Variants in TRAF3 observed in about 807,000 individuals in gnomAD.
TRAF3 encodes the protein TNF receptor associated factor 3.
A neutral mutation model predicts 62.3 loss-of-function variants in TRAF3; 13 were observed. The ratio of observed to expected loss-of-function variants is 0.21; its 90% confidence interval spans 0.14 to 0.33. The LOEUF (loss-of-function observed/expected upper bound fraction) is 0.33, where lower values mean the gene tolerates loss of function less well. Ranked by LOEUF, TRAF3 falls within the 10% of genes least tolerant of loss-of-function variation. TRAF3 has a pLI of 1.00. For synonymous variants in TRAF3, 269 were observed against 283.4 expected (o/e 0.95, Z 0.51); for missense variants, 440 against 741.8 (o/e 0.59, Z 4.73).
intron 2 of TRAF3, among the ~76,000 whole-genome samples, chr14:102,846,103 G>A (rs10140174): frequency 0.029 from 4,474 of 151,728 alleles, 228 homozygotes; most frequent in African/African-American, 0.1. Context: ...ATACCCTTCT[G>A]ATGGGAGTGC....
intron 6 of TRAF3, among the ~76,000 whole-genome samples, chr14:102,885,915 G>A (rs1889353419): frequency 6.6e-6 from 1 of 152,162 alleles, no homozygotes; most frequent in African/African-American, 2.4e-5. Context: ...GTGCTAAGGG[G>A]AAACCCTTGT....
Position 102,826,909 on chromosome 14 carries a change from G to T in TRAF3, c.-156-3425G>T, listed in dbSNP as rs1217714164. Among the ~76,000 whole-genome samples, 1 of 152,142 alleles carries T rather than the reference G, an allele frequency of 6.6e-6. No individual in the cohort carries two copies. Among genetic ancestry groups the T allele is most frequent in the Non-Finnish European group, 1.5e-5 (1 of 68,014 alleles). On this transcript the variant is annotated intron_variant, in intron 1 of 11. Transcript: ENST00000392745. The surrounding 1 kb of genome is among the most constrained non-coding windows in gnomAD (Gnocchi z 4.6). ...GTCCATGCCCTGGTGCCTCCCCGTG[G>T]TCACCATGTGCCTTGGGCAAATGGA...
chr14:102,811,301 T>C (rs2139517656), intron 1 of TRAF3, among the ~76,000 whole-genome samples: 1 of 151,766 alleles, frequency 6.6e-6, no homozygotes, highest in East Asian at 1.9e-4. Flanking sequence ...TGGGTACCTT[T>C]TTTTTTTTTT....
intron 1 of TRAF3, among the ~76,000 whole-genome samples, chr14:102,803,353 G>A (rs1165166596): frequency 6.6e-6 from 1 of 152,144 alleles, no homozygotes; most frequent in Non-Finnish European, 1.5e-5. Context: ...GTGGGGTGGT[G>A]GCTAAGGGCG....
At position 102,903,441 on chromosome 14, in the gene TRAF3, G is replaced by C. The variant is rs373413317; in HGVS notation, c.1135+12G>C. 23 of 1,613,182 alleles carry C rather than the reference G, an allele frequency of 1.4e-5. No individual in the cohort carries two copies. In the African/African-American group the frequency reaches 2.9e-4, roughly 21 times the overall value. ...GGCTCGGAACACAGGTGAGGCAGGG[G>C]CCGGGGCCGGGCCAGCAGTGTGCAT... On this transcript the variant is annotated intron_variant, in intron 11 of 11. Coordinates refer to ENST00000392745, the MANE Select transcript of TRAF3 (RefSeq NM_145725.3). The surrounding 1 kb of genome is among the most constrained non-coding windows in gnomAD (Gnocchi z 6.4).
At chr14:102,845,230 T>C (rs953205992) in intron 2 of TRAF3, among the ~76,000 whole-genome samples, 5 of 147,708 alleles carry the variant, frequency 3.4e-5, no homozygotes, top group African/African-American at 1.3e-4. Context: ...TGAGATGGAG[T>C]CTCACTTTGT....
At position 102,886,210 on chromosome 14, in the gene TRAF3, C is replaced by T. The variant is rs1311287744; in HGVS notation, c.592C>T (p.Pro198Ser). ...GTAGAAACACGAAGACACCGACTGT[C>T]CCTGCGTGGTGGTGTCCTGCCCTCA... Reference protein sequence around the residue: ...ALQKHEDTDCPCVVVSCPHKC... With the variant: ...ALQKHEDTDCSCVVVSCPHKC... The change falls in exon 7 of 12, where the codon CCC becomes TCC. Residue 198 changes from proline (P) to serine (S), a missense_variant. By Grantham distance (74) the Pro-to-Ser change is moderately conservative. Coordinates refer to ENST00000392745, the MANE Select transcript of TRAF3 (RefSeq NM_145725.3). 6.2e-7 allele frequency: 1 copy of T among 1,613,210 alleles called. No homozygotes were observed. The highest frequency in any genetic ancestry group is 8.5e-7 in the Non-Finnish European group (1 of 1,179,762).
At chr14:102,840,801 A>G (rs1446052168) in intron 2 of TRAF3, among the ~76,000 whole-genome samples, 1 of 152,186 alleles carries the variant, frequency 6.6e-6, no homozygotes, top group African/African-American at 2.4e-5. Context: ...ACCAGACAAA[A>G]TATATGAAGT....
intron 2 of TRAF3, among the ~76,000 whole-genome samples, chr14:102,831,597 C>T (rs1407589842): frequency 6.6e-6 from 1 of 152,200 alleles, no homozygotes; most frequent in Non-Finnish European, 1.5e-5. Flanking sequence ...GCCTTGCTCT[C>T]TGCCCAGTGC....
intron 1 of TRAF3, among the ~76,000 whole-genome samples, chr14:102,780,827 T>C (rs1897244814): frequency 6.6e-6 from 1 of 152,136 alleles, no homozygotes; most frequent in Non-Finnish European, 1.5e-5. Context: ...TGCAGGGATA[T>C]AGGCCATCTT....
intron 1 of TRAF3, among the ~76,000 whole-genome samples, chr14:102,814,225 G>C (rs771469904): frequency 7.9e-5 from 12 of 152,184 alleles, no homozygotes; most frequent in Non-Finnish European, 1.3e-4. Context: ...GTTGGCTGTA[G>C]ATATGCAGGT....
chr14:102,816,243 C>T lies in TRAF3; in HGVS notation c.-156-14091C>T, dbSNP rs899760639. On this transcript the variant is annotated intron_variant, in intron 1 of 11. Coordinates refer to ENST00000392745, the MANE Select transcript of TRAF3 (RefSeq NM_145725.3). ...TCAGCCCCCCAAGTAGCTGGGACTACGAGCACATGCCACCACCCTCGCCTA... is the reference window on the plus strand; with the variant it reads ...TCAGCCCCCCAAGTAGCTGGGACTATGAGCACATGCCACCACCCTCGCCTA... Among the ~76,000 whole-genome samples, 9 of 152,000 alleles carry T rather than the reference C, an allele frequency of 5.9e-5. No individual in the cohort carries two copies. The South Asian group carries it at 6.2e-4, about 10-fold the overall frequency.
At chr14:102,795,949 G>A (rs868320896) in intron 1 of TRAF3, among the ~76,000 whole-genome samples, 2 of 152,228 alleles carry the variant, frequency 1.3e-5, no homozygotes, top group Non-Finnish European at 2.9e-5. Context: ...GGGCATGGTT[G>A]CTCACGCCTG....
At chr14:102,902,718 T>TGGGA (rs1484117943) in intron 10 of TRAF3, among the ~76,000 whole-genome samples, 8 of 152,144 alleles carry the variant, frequency 5.3e-5, no homozygotes, top group Non-Finnish European at 8.8e-5. Flanking sequence ...GGAGAAGAGC[T>TGGGA]GGGAGGGACA....
chr14:102,867,825 A>G (rs1888093138), intron 2 of TRAF3, among the ~76,000 whole-genome samples: 1 of 152,196 alleles, frequency 6.6e-6, no homozygotes, highest in South Asian at 2.1e-4. Context: ...TGTTTTGAAA[A>G]CTTTGTTTTC....
intron 1 of TRAF3, among the ~76,000 whole-genome samples, chr14:102,820,133 G>T (rs574460682): frequency 6.6e-6 from 1 of 152,132 alleles, no homozygotes; most frequent in African/African-American, 2.4e-5. Context: ...TTTCCTTTGC[G>T]AGCGTCCTCT....
chr14:102,904,809 CAAA>C (rs36006172), intron 11 of TRAF3, among the ~76,000 whole-genome samples: 16 of 79,994 alleles, frequency 2.0e-4, no homozygotes, highest in South Asian at 9.7e-4. Context: ...GACTCCATCT[CAAA>C]AAAAAAAAAA....
At chr14:102,820,202 A>T (rs1342105740) in intron 1 of TRAF3, among the ~76,000 whole-genome samples, 1 of 152,112 alleles carries the variant, frequency 6.6e-6, no homozygotes, top group Non-Finnish European at 1.5e-5. Flanking sequence ...CTGCATTGTG[A>T]CGCAGGGTCA....
intron 2 of TRAF3, among the ~76,000 whole-genome samples, chr14:102,856,515 C>A (rs374327715): frequency 4.6e-5 from 7 of 152,156 alleles, no homozygotes; most frequent in Admixed American, 2.0e-4. Context: ...TCACTTTCAT[C>A]GCCATCTTGG....
Sources: allele counts gnomAD v4.1 joint callset (sites outside exome capture counted in the v4.1 genomes callset), GRCh38; gene constraint gnomAD v4.1.1; non-coding constraint Gnocchi (gnomAD v3.1); transcripts MANE v1.5; gene names NCBI Gene and HGNC (gene_info 2026-07-23, HGNC 2026-07-21).